HPS4: variants seen among roughly 807,000 people sequenced by gnomAD.
HPS4 encodes the protein BLOC-3 complex member HPS4.
HPS4 carries 44 observed loss-of-function variants against 70.3 expected under a neutral mutation model. The observed-to-expected ratio is 0.63, with a 90% CI of 0.49 to 0.80. The LOEUF (loss-of-function observed/expected upper bound fraction) is 0.80, where lower values mean the gene tolerates loss of function less well. Ranked by LOEUF, HPS4 falls within the 30% of genes least tolerant of loss-of-function variation. The probability of loss-of-function intolerance (pLI) is 0.00; values close to 1 mark genes in which losing one functional copy is unlikely to be tolerated. For missense variants in HPS4, 873 were observed against 884.4 expected (o/e 0.99, Z 0.16); for synonymous variants, 377 against 355.9 (o/e 1.06, Z -0.67).
At chr22:26,445,991 C>T (rs535033470), downstream of HPS4, among the ~76,000 whole-genome samples, 3 of 152,268 alleles carry the variant, frequency 2.0e-5, no homozygotes, top group South Asian at 2.1e-4. Context: ...GCCAGCTGTC[C>T]GGGCTGGGCT....
chr22:26,446,376 G>GT (rs1258610829), downstream of HPS4, among the ~76,000 whole-genome samples: 10 of 151,030 alleles, frequency 6.6e-5, no homozygotes, highest in African/African-American at 1.9e-4. Context: ...GTAACACTGA[G>GT]TGCTCCGTAG....
chr22:26,463,802 A>T, intron 11 of HPS4, 115 bp downstream of exon 11: 1 of 1,135,870 alleles, frequency 8.8e-7, no homozygotes, highest in Non-Finnish European at 1.3e-6. Context: ...CCAGGGTCAC[A>T]CAACTGAGGG....
chr22:26,458,473 A>C lies in HPS4; in HGVS notation c.1818T>G (p.His606Gln). The C allele has an allele frequency of 1.2e-6, 2 of 1,614,062 alleles. No individual in the cohort carries two copies. Among genetic ancestry groups the C allele is most frequent in the Non-Finnish European group, 1.7e-6 (2 of 1,180,008 alleles). The change falls in exon 12 of 14, where the codon CAT (histidine) becomes CAG (glutamine). Residue 606 changes from histidine (H) to glutamine (Q), a missense_variant. His to Gln is a conservative substitution (Grantham distance 24, BLOSUM62 0). Coordinates refer to ENST00000398145, the MANE Select transcript of HPS4 (RefSeq NM_022081.6). ...TCAGCAAGCTCTGAATGCGGTCGTA[A>C]TGTGTGAAGTTGTAGGTGCTGCTCG... ...ASTSSTYNFT[H>Q]YDRIQSLLMA... is the part of the protein sequence containing the mutation.
chr22:26,474,825 A>C (rs1046310207), intron 4 of HPS4, among the ~76,000 whole-genome samples: 2 of 152,254 alleles, frequency 1.3e-5, no homozygotes, highest in African/African-American at 4.8e-5. Flanking sequence ...AGCACATGAA[A>C]AGGCCTCACT....
At chr22:26,479,563 T>C in intron 2 of HPS4, 1 of 1,402,516 alleles carries the variant, frequency 7.1e-7, no homozygotes. Flanking sequence ...AATATGCCTC[T>C]ATCCAGCCGT....
At chr22:26,462,193 C>T (rs534015524) in intron 11 of HPS4, among the ~76,000 whole-genome samples, 1 of 152,180 alleles carries the variant, frequency 6.6e-6, no homozygotes, top group South Asian at 2.1e-4. Context: ...GTCTATTTCC[C>T]GGGGCCTAGC....
At chr22:26,475,971 A>T (rs2090490898) in intron 4 of HPS4, 1 of 152,120 alleles carries the variant, frequency 6.6e-6, no homozygotes, top group Non-Finnish European at 1.5e-5. Flanking sequence ...TGAGCCTGGG[A>T]GGCGGAGGTT....
chr22:26,443,779 GACACAGTCAGGGTGGC>G (rs2146140632), downstream of HPS4: 1 of 152,552 alleles, frequency 6.6e-6, no homozygotes, highest in Admixed American at 6.5e-5. Flanking sequence ...GGGGCTGCCA[GACACAGTCAGGGTGGC>G]ACACAGTGTC....
At chr22:26,458,231 G>A (rs1045344504) in intron 12 of HPS4, among the ~76,000 whole-genome samples, 1 of 152,260 alleles carries the variant, frequency 6.6e-6, no homozygotes, top group African/African-American at 2.4e-5. Context: ...AAAACACTGG[G>A]AAACGCCAAA....
chr22:26,449,562 C>A (rs1360690732), downstream of HPS4, among the ~76,000 whole-genome samples: 3 of 152,016 alleles, frequency 2.0e-5, no homozygotes, highest in Non-Finnish European at 4.4e-5. Context: ...AACTCCTGAG[C>A]TCAAGTGATC....
chr22:26,482,445 G>A (rs915128130), intron 1 of HPS4, among the ~76,000 whole-genome samples: 2 of 152,110 alleles, frequency 1.3e-5, no homozygotes, highest in Non-Finnish European at 1.5e-5. Flanking sequence ...CAAGCTTCAC[G>A]GAAGATAAAA....
rs748736760 is a variant in HPS4, at chr22:26,464,005, T to C, written c.1625A>G (p.Asn542Ser). 6.2e-7 allele frequency: 1 copy of C among 1,614,234 alleles called. No individual in the cohort carries two copies. Among genetic ancestry groups the C allele is most frequent in the Non-Finnish European group, 8.5e-7 (1 of 1,180,040 alleles). Residue 542 changes from asparagine (N) to serine (S), a missense_variant, in exon 11 of 14, where the codon AAT (asparagine) becomes AGT (serine). Asn to Ser is a conservative substitution (Grantham distance 46, BLOSUM62 1). Transcript: ENST00000398145. ...AESCMGLVRM[N>S]LYTHCVKGLV... The stretch of plus-strand genomic sequence containing the variant: ...CCCTTTGACGCAGTGAGTGTAGAGA[T>C]TCATCCTCACGAGCCCCATGCAGGA...
At chr22:26,456,515 T>C (rs866426293) in intron 13 of HPS4, among the ~76,000 whole-genome samples, 1 of 152,062 alleles carries the variant, frequency 6.6e-6, no homozygotes, top group Non-Finnish European at 1.5e-5. Context: ...AAAAATTAGC[T>C]GGGCATGGTG....
chr22:26,479,180 C>A lies in HPS4; in HGVS notation c.132+85G>T, dbSNP rs537383834. On this transcript the variant is annotated intron_variant, in intron 3 of 13. Coordinates refer to ENST00000398145, the MANE Select transcript of HPS4 (RefSeq NM_022081.6). The stretch of plus-strand genomic sequence containing the variant: ...TCATTGTCTGGATTAGCCAAACTGT[C>A]CTAATGTAAACCCCATACTTTTGAA... 330 of 1,273,968 alleles carry A rather than the reference C, an allele frequency of 2.6e-4. 6 individuals are homozygous for A. In the Admixed American group the frequency reaches 5.6e-3, roughly 22 times the overall value. The allele number at this position is 1,273,968 out of a possible 1,614,324, so 78.9% of individuals were successfully genotyped here.
Position 26,477,099 on chromosome 22 carries a change from A to G in HPS4, c.170T>C (p.Ile57Thr), listed in dbSNP as rs770856288. ...LDQQELLCGQ[I>T]AGVVRCVSDI... The stretch of plus-strand genomic sequence containing the variant: ...AGAAACACAGCGGACAACTCCAGCA[A>G]TCTGTCCACAAAGCAACTCCTGTTG... Residue 57 changes from isoleucine (I) to threonine (T), a missense_variant, in exon 4 of 14, where the codon ATT (isoleucine) becomes ACT (threonine). Ile to Thr is a moderately conservative substitution (Grantham distance 89, BLOSUM62 -1). Coordinates refer to ENST00000398145, the MANE Select transcript of HPS4 (RefSeq NM_022081.6). 3 of 1,614,092 alleles carry G rather than the reference A, an allele frequency of 1.9e-6. No individual in the cohort carries two copies. In the East Asian group the frequency reaches 6.7e-5, roughly 36 times the overall value.
chr22:26,478,027 G>C (rs1015426882), intron 3 of HPS4, among the ~76,000 whole-genome samples: 2 of 152,202 alleles, frequency 1.3e-5, no homozygotes, highest in Non-Finnish European at 2.9e-5. Flanking sequence ...TGGGTGCATG[G>C]AAGGAAGGAA....
intron 6 of HPS4, among the ~76,000 whole-genome samples, chr22:26,472,026 G>C (rs1322915518): frequency 1.3e-5 from 2 of 152,222 alleles, no homozygotes; most frequent in African/African-American, 4.8e-5. Context: ...TCTGAGGCAT[G>C]AACAAAATAC....
chr22:26,449,386 A>G (rs776828121), downstream of HPS4, among the ~76,000 whole-genome samples: 2 of 145,536 alleles, frequency 1.4e-5, no homozygotes, highest in East Asian at 2.0e-4. Context: ...CTGGAGTGCA[A>G]TGAATCTCAG....
chr22:26,450,990 G>A lies in HPS4; in HGVS notation c.*2243C>T, dbSNP rs1000969308. Among the ~76,000 whole-genome samples, 1 of 152,220 alleles carries A rather than the reference G, an allele frequency of 6.6e-6. No individual in the cohort carries two copies. Among genetic ancestry groups the A allele is most frequent in the Non-Finnish European group, 1.5e-5 (1 of 68,044 alleles). ...GCGACCTTTATCCTTACAGTTCACA[G>A]GTGGCAGATGGCTGGCACAGAGGAA... On this transcript the variant is annotated 3_prime_UTR_variant, in exon 14 of 14. Coordinates refer to ENST00000398145, the MANE Select transcript of HPS4 (RefSeq NM_022081.6).
Sources: gnomAD v4.1 joint callset for allele counts (sites outside exome capture counted in the v4.1 genomes callset) on GRCh38, gnomAD v4.1.1 for gene constraint, MANE v1.5 for transcripts, NCBI Gene and HGNC (gene_info 2026-07-23, HGNC 2026-07-21) for gene names.